Variants in ACVR1 observed in about 807,000 individuals in gnomAD.
The protein encoded by ACVR1 is activin A receptor type 1, also known as activin receptor type-1.
Under a neutral mutation model 57.1 loss-of-function variants are expected in ACVR1, and 38 were observed. The ratio of observed to expected loss-of-function variants is 0.67; its 90% CI spans 0.51 to 0.87. The LOEUF (loss-of-function observed/expected upper bound fraction) is 0.87. ACVR1 is among the 40% of genes least tolerant of loss of function. ACVR1 has a pLI of 0.00. For missense variants in ACVR1, 463 were observed against 638.2 expected (o/e 0.73, Z 2.96); for synonymous variants, 212 against 228.1 (o/e 0.93, Z 0.63).
At chr2:157,810,922 T>G (rs1687730821) in intron 2 of ACVR1, among the ~76,000 whole-genome samples, 1 of 152,178 alleles carries the variant, frequency 6.6e-6, no homozygotes, top group Admixed American at 6.5e-5. Context: ...TAGTCTTACC[T>G]TATCCTTCAG....
intron 5 of ACVR1, 63 bp from the exon 6 acceptor site, chr2:157,774,250 T>C: frequency 1.5e-6 from 2 of 1,323,960 alleles, no homozygotes; most frequent in Admixed American, 1.7e-5. Flanking sequence ...TTTGGAGTAT[T>C]AGCATGCATG....
At chr2:157,859,318 T>C (rs552729600) in intron 1 of ACVR1, among the ~76,000 whole-genome samples, 102 of 152,320 alleles carry the variant, frequency 6.7e-4, no homozygotes, top group Non-Finnish European at 1.4e-3. Context: ...GCCACGGCAA[T>C]GTCAGGAAGT....
intron 9 of ACVR1, 152 bp from the exon 10 acceptor site, chr2:157,738,722 G>T: frequency 8.9e-7 from 1 of 1,120,592 alleles, no homozygotes; most frequent in Non-Finnish European, 1.3e-6. Context: ...CTAGAGGTAG[G>T]TCCTAAAACA....
chr2:157,788,133 A>G (rs1003580554), intron 3 of ACVR1, among the ~76,000 whole-genome samples: 1 of 151,112 alleles, frequency 6.6e-6, no homozygotes, highest in Non-Finnish European at 1.5e-5. Flanking sequence ...ACTTAGTTAA[A>G]CTCCCCTTCC....
In ACVR1 at chr2:157,780,415, G is replaced by A; in HGVS notation, c.253C>T (p.Pro85Ser). 6.2e-7 allele frequency: 1 copy of A among 1,614,188 alleles called. No individual in the cohort carries two copies. The highest frequency in any genetic ancestry group is 8.5e-7 in the Non-Finnish European group (1 of 1,180,024). ...EQGKMTCKTPPSPGQAVECCQ... is the reference protein window; with the variant it reads ...EQGKMTCKTPSSPGQAVECCQ... ...CACTCCACGGCTTGGCCAGGGGACGGCGGGGTCTTACAGGTCATCTTTCCC... is the reference window on the plus strand; with the variant it reads ...CACTCCACGGCTTGGCCAGGGGACGACGGGGTCTTACAGGTCATCTTTCCC... The change falls in exon 4 of 11, where the codon CCG (proline) becomes TCG (serine). Residue 85 changes from proline to serine, a missense_variant. Transcript: ENST00000434821.
intron 1 of ACVR1, among the ~76,000 whole-genome samples, chr2:157,845,432 T>A (rs1689100901): frequency 6.6e-6 from 1 of 151,714 alleles, no homozygotes; most frequent in Admixed American, 6.6e-5. Flanking sequence ...CACATTGGAG[T>A]CATGCTGCCA....
chr2:157,854,963 C>T (rs1334081878), intron 1 of ACVR1, among the ~76,000 whole-genome samples: 3 of 151,848 alleles, frequency 2.0e-5, no homozygotes, highest in Admixed American at 1.3e-4. Flanking sequence ...CGCTTGAACC[C>T]GGGAGGCAGA....
chr2:157,788,439 A>G (rs1686791204), intron 3 of ACVR1, among the ~76,000 whole-genome samples: 2 of 152,212 alleles, frequency 1.3e-5, no homozygotes, highest in African/African-American at 4.8e-5. Context: ...TGTAGATGCT[A>G]CCATCCTGCT....
intron 8 of ACVR1, among the ~76,000 whole-genome samples, chr2:157,763,375 G>C (rs1685737748): frequency 6.6e-6 from 1 of 152,096 alleles, no homozygotes; most frequent in South Asian, 2.1e-4. Flanking sequence ...ATTGAATCTA[G>C]GTGTTCGGGA....
At chr2:157,865,866 T>TAGATAGATAGATA (rs1349784374) in intron 1 of ACVR1, among the ~76,000 whole-genome samples, 1 of 125,896 alleles carries the variant, frequency 7.9e-6, no homozygotes, top group South Asian at 2.8e-4. Flanking sequence ...ATAGATAGAT[T>TAGATAGATAGATA]GACTGATTGA....
intron 9 of ACVR1, among the ~76,000 whole-genome samples, chr2:157,751,133 C>T (rs1372849100): frequency 6.6e-6 from 1 of 152,216 alleles, no homozygotes; most frequent in Admixed American, 6.5e-5. Context: ...AGTGCCCAAA[C>T]TGTGAAAGTG....
intron 8 of ACVR1, among the ~76,000 whole-genome samples, chr2:157,762,951 G>A (rs765885145): frequency 5.9e-5 from 9 of 152,110 alleles, no homozygotes; most frequent in South Asian, 2.1e-4. Context: ...GAACCACACC[G>A]CTAAGTCATT....
chr2:157,772,983 A>G (rs1686129187), intron 6 of ACVR1, among the ~76,000 whole-genome samples: 1 of 152,098 alleles, frequency 6.6e-6, no homozygotes, highest in South Asian at 2.1e-4. Context: ...CCCTCTTTCC[A>G]TGAAAACAAG....
intron 1 of ACVR1, among the ~76,000 whole-genome samples, chr2:157,837,341 C>T (rs1436533855): frequency 2.0e-5 from 3 of 152,124 alleles, no homozygotes; most frequent in African/African-American, 2.4e-5. Context: ...AGTCAGGTCT[C>T]GTCTGAGCAC....
At chr2:157,867,357 G>T (rs761822436) in intron 1 of ACVR1, among the ~76,000 whole-genome samples, 1 of 152,176 alleles carries the variant, frequency 6.6e-6, no homozygotes, top group Non-Finnish European at 1.5e-5. Context: ...AGAAGGCTAT[G>T]TGCCAAGGCC....
rs570521547 is a variant in ACVR1 at position 157,831,830 on chromosome 2, T to C, written c.-182-13271A>G. 2.0e-4 allele frequency among the ~76,000 whole-genome samples: 30 copies of C among 152,362 alleles called. 1 individual carries two copies. The South Asian group carries it at 4.8e-3, about 24-fold the overall frequency. On this transcript the variant is annotated intron_variant, in intron 1 of 10. Transcript: ENST00000434821. ...GCTAATAGTTTCTCTGTCAGGGTGG[T>C]GAAAATGTTCTAACATTAGATAGTG... is the stretch of plus-strand genomic sequence containing the variant.
intron 1 of ACVR1, among the ~76,000 whole-genome samples, chr2:157,865,682 C>A (rs939367089): frequency 6.6e-6 from 1 of 151,356 alleles, no homozygotes; most frequent in African/African-American, 2.4e-5. Flanking sequence ...ATCCCAGCTA[C>A]TCGGGAGGCT....
At chr2:157,780,243 A>G (rs2105280746) in intron 4 of ACVR1, 94 bp downstream of exon 4, 4 of 1,553,450 alleles carry the variant, frequency 2.6e-6, no homozygotes, top group Non-Finnish European at 3.5e-6. Context: ...ATGTAGGTGG[A>G]ATGCCTCATA....
intron 1 of ACVR1, chr2:157,826,761 GAAA>G (rs1688382792): frequency 9.7e-6 from 1 of 102,736 alleles, no homozygotes; most frequent in Admixed American, 9.3e-5. Context: ...GAAAGGAAAG[GAAA>G]GGAAAGGAAA....
Sources: allele counts gnomAD v4.1 joint callset (sites outside exome capture counted in the v4.1 genomes callset), GRCh38; gene constraint gnomAD v4.1.1; transcripts MANE v1.5; gene names NCBI Gene and HGNC (gene_info 2026-07-23, HGNC 2026-07-21).